Variants in ARFGEF1 observed in about 807,000 individuals in gnomAD.
ARFGEF1 encodes the protein brefeldin A-inhibited guanine nucleotide-exchange protein 1.
In ARFGEF1, 42 loss-of-function variants were observed where a neutral mutation model predicts 231.0. The observed-to-expected ratio is 0.18, with a 90% confidence interval of 0.14 to 0.24. The LOEUF is 0.24. ARFGEF1 is among the 10% of genes least tolerant of loss of function. The pLI is 1.00. For missense variants in ARFGEF1, 1,345 were observed against 2,192.0 expected (o/e 0.61, Z 7.72); for synonymous variants, 710 against 732.3 (o/e 0.97, Z 0.49).
chr8:67,207,850 G>A (rs1038986477), intron 34 of ARFGEF1, among the ~76,000 whole-genome samples: 8 of 152,240 alleles, frequency 5.3e-5, no homozygotes, highest in Middle Eastern at 3.4e-3. Flanking sequence ...GATGAACCTC[G>A]CCTAAAAGTC....
chr8:67,333,284 C>T (rs992231691), intron 1 of ARFGEF1, among the ~76,000 whole-genome samples: 29 of 151,600 alleles, frequency 1.9e-4, no homozygotes, highest in African/African-American at 5.8e-4. Flanking sequence ...CCGCCTACCT[C>T]GGCCTCCCAA....
chr8:67,190,664 ACAT>A, intron 5 of ARFGEF1: 1 of 1,613,970 alleles, frequency 6.2e-7, no homozygotes, highest in Non-Finnish European at 8.5e-7. Flanking sequence ...TTACGGTGAG[ACAT>A]ATCCTGCCAT....
chr8:67,252,815 T>A (rs1186982279), intron 18 of ARFGEF1, among the ~76,000 whole-genome samples: 1 of 152,192 alleles, frequency 6.6e-6, no homozygotes, highest in Non-Finnish European at 1.5e-5. Flanking sequence ...TTTCTAACTC[T>A]ATGAGCTCTC....
intron 37 of ARFGEF1, among the ~76,000 whole-genome samples, chr8:67,201,189 G>T (rs1475241641): frequency 1.3e-5 from 2 of 152,164 alleles, no homozygotes; most frequent in Non-Finnish European, 2.9e-5. Flanking sequence ...GTAAAAATGG[G>T]ACTATCTTAT....
In ARFGEF1 at chr8:67,218,201, AAAAAAAATATAT is replaced by A. The variant is rs1203973591; in HGVS notation, c.4339-75_4339-64del. 48 of 180,608 alleles carry A rather than the reference AAAAAAAATATAT, an allele frequency of 2.7e-4. 1 individual carries two copies. Among genetic ancestry groups the A allele is most frequent in the African/African-American group, 2.1e-3 (35 of 16,360 alleles). 11.2% of individuals were successfully genotyped at this position (180,608 alleles called of 1,614,324 possible). ...ATCAACTACTATGATTAAAAAAAAAAAAAAAAATATATATATATATATATATATATATAAATG... is the reference window on the plus strand; with the variant it reads ...ATCAACTACTATGATTAAAAAAAAAAATATATATATATATATATATAAATG... On this transcript the variant is annotated intron_variant, in intron 30 of 38. Transcript: ENST00000262215.
intron 1 of ARFGEF1, among the ~76,000 whole-genome samples, chr8:67,323,923 C>G (rs1193234424): frequency 6.6e-6 from 1 of 152,082 alleles, no homozygotes; most frequent in African/African-American, 2.4e-5. Flanking sequence ...GCCTCAGCCT[C>G]CCAAGTAGCT....
At chr8:67,191,502 C>T (rs887042693) in intron 5 of ARFGEF1, among the ~76,000 whole-genome samples, 3 of 152,164 alleles carry the variant, frequency 2.0e-5, no homozygotes, top group African/African-American at 7.2e-5. Flanking sequence ...TGTGCCTTTT[C>T]TGGACATTTC....
intron 1 of ARFGEF1, among the ~76,000 whole-genome samples, chr8:67,323,622 C>T (rs1402713107): frequency 6.6e-6 from 1 of 152,134 alleles, no homozygotes; most frequent in Non-Finnish European, 1.5e-5. Context: ...CAGAATCATC[C>T]TAAATGCCTT....
intron 1 of ARFGEF1, among the ~76,000 whole-genome samples, chr8:67,338,016 A>T (rs1808427158): frequency 6.6e-6 from 1 of 152,180 alleles, no homozygotes; most frequent in Non-Finnish European, 1.5e-5. Flanking sequence ...TCCTTCCTCC[A>T]TTATGTGAGG....
chr8:67,304,124 T>C (rs1490992193), intron 1 of ARFGEF1, among the ~76,000 whole-genome samples: 1 of 152,208 alleles, frequency 6.6e-6, no homozygotes, highest in Non-Finnish European at 1.5e-5. Context: ...AAACAACTAC[T>C]GGCCTATACA....
At chr8:67,315,515 AAGTT>A (rs1412448606) in intron 1 of ARFGEF1, among the ~76,000 whole-genome samples, 1 of 152,206 alleles carries the variant, frequency 6.6e-6, no homozygotes, top group Non-Finnish European at 1.5e-5. Context: ...AATCTCAACA[AAGTT>A]AGAAGAACTG....
rs576784226 is a variant in ARFGEF1 at position 67,288,975 on chromosome 8, T to C, written c.917-910A>G. On this transcript the variant is annotated intron_variant, in intron 6 of 38. Coordinates refer to ENST00000262215, the MANE Select transcript of ARFGEF1 (RefSeq NM_006421.5). ...CAAAAAAAACAAAAAAAAAACAAAATCACCAACAACAGATAACTGCCAATC... is the reference window on the plus strand; with the variant it reads ...CAAAAAAAACAAAAAAAAAACAAAACCACCAACAACAGATAACTGCCAATC... 2.9e-4 allele frequency among the ~76,000 whole-genome samples: 44 copies of C among 150,830 alleles called. No individual in the cohort carries two copies. The South Asian group carries it at 8.4e-3, about 29-fold the overall frequency.
intron 10 of ARFGEF1, 81 bp from the exon 11 acceptor site, chr8:67,267,523 T>C (rs558061591): frequency 2.8e-4 from 251 of 898,538 alleles, no homozygotes; most frequent in Non-Finnish European, 4.2e-4. Flanking sequence ...CCCAGAGCTA[T>C]AGAGCAGGTA....
chr8:67,175,589 G>T (rs1448465963), intron 5 of ARFGEF1: 2 of 836,344 alleles, frequency 2.4e-6, no homozygotes, highest in Non-Finnish European at 4.0e-6. Flanking sequence ...TACCAGAAAA[G>T]AACAAGTATG....
intron 1 of ARFGEF1, among the ~76,000 whole-genome samples, chr8:67,307,242 C>A (rs1356845497): frequency 6.6e-6 from 1 of 152,218 alleles, no homozygotes; most frequent in Non-Finnish European, 1.5e-5. Flanking sequence ...CTGCTTGCCT[C>A]CTCCTTTTAA....
At chr8:67,235,107 TATAC>T (rs1445670063) in intron 22 of ARFGEF1, among the ~76,000 whole-genome samples, 3 of 147,530 alleles carry the variant, frequency 2.0e-5, no homozygotes, top group African/African-American at 7.6e-5. Context: ...TGTGTATATA[TATAC>T]ACACACACAC....
At chr8:67,267,267 C>T (rs761898976) in intron 11 of ARFGEF1, 37 bp from the exon 12 acceptor site, 1 of 1,605,202 alleles carries the variant, frequency 6.2e-7, no homozygotes, top group Non-Finnish European at 8.5e-7. Context: ...CAAAGTACAT[C>T]TAGGATATGA....
At chr8:67,307,285 AAG>A (rs1249719529) in intron 1 of ARFGEF1, among the ~76,000 whole-genome samples, 3 of 152,204 alleles carry the variant, frequency 2.0e-5, no homozygotes, top group Admixed American at 2.0e-4. Context: ...ATCATCTAGA[AAG>A]AGAATCAAAC....
chr8:67,301,284 A>C lies in ARFGEF1; in HGVS notation c.252T>G (p.Phe84Leu), dbSNP rs1806477527. ...GACATTTGGACTGGCATGCCAACTC[A>C]AAAGGCAAGAAGTACTTGTCTGCTT... Reference protein sequence around the residue: ...FIEADKYFLPFELACQSKCPR... With the variant: ...FIEADKYFLPLELACQSKCPR... Residue 84 changes from phenylalanine to leucine, a missense_variant, in exon 3 of 39, where the codon TTT becomes TTG. By Grantham distance (22) the Phe-to-Leu change is conservative. This residue lies in a region of ARFGEF1 where 398 missense variants were observed against 463.2 expected (regional missense o/e 0.86). Transcript: ENST00000262215. 6.2e-7 allele frequency: 1 copy of C among 1,613,976 alleles called. No individual in the cohort carries two copies. The highest frequency in any genetic ancestry group is 1.3e-5 in the African/African-American group (1 of 74,922).
Sources: allele counts gnomAD v4.1 joint callset (sites outside exome capture counted in the v4.1 genomes callset), GRCh38; gene constraint gnomAD v4.1.1; regional missense constraint gnomAD v4.1.1; transcripts MANE v1.5; gene names NCBI Gene and HGNC (gene_info 2026-07-23, HGNC 2026-07-21).